Variants in CX3CL1 observed in about 807,000 individuals in gnomAD.
The protein encoded by CX3CL1 is fractalkine.
CX3CL1 carries 1 observed loss-of-function variant against 14.1 expected under a neutral mutation model. That is an observed-to-expected ratio of 0.07 (90% CI 0.03 to 0.34). CX3CL1 has a LOEUF of 0.34. CX3CL1 is among the 10% of genes least tolerant of loss of function. The probability of loss-of-function intolerance (pLI) is 0.99; values close to 1 mark genes in which losing one functional copy is unlikely to be tolerated. For synonymous variants in CX3CL1, 255 were observed against 229.6 expected, an observed-to-expected ratio of 1.11 and a Z score of -1.00; for missense variants, 505 against 536.4, an observed-to-expected ratio of 0.94 and a Z score of 0.58.
rs1902359702 is a variant in CX3CL1 at position 57,383,154 on chromosome 16, C to A, written c.*122C>A. On this transcript the variant is annotated 3_prime_UTR_variant, in exon 3 of 3. Coordinates refer to ENST00000006053, the MANE Select transcript of CX3CL1 (RefSeq NM_002996.6). Reference sequence around the variant, plus strand: ...GATGATTGGAGGGGGGAGGTGGGATCCTCCAGGTGCACAAGCTCCAAGCTC... The same window carrying A: ...GATGATTGGAGGGGGGAGGTGGGATACTCCAGGTGCACAAGCTCCAAGCTC... 2.2e-6 allele frequency: 2 copies of A among 912,014 alleles called. No homozygotes were observed. Among genetic ancestry groups the A allele is most frequent in the Non-Finnish European group, 3.0e-6 (2 of 668,606 alleles). The allele number at this position is 912,014 out of a possible 1,614,324, so 56.5% of individuals were successfully genotyped here.
intron 1 of CX3CL1, among the ~76,000 whole-genome samples, chr16:57,374,667 T>C (rs1902222570): frequency 6.6e-6 from 1 of 152,202 alleles, no homozygotes; most frequent in African/African-American, 2.4e-5. Flanking sequence ...CAAATAGTTA[T>C]TGGACACCTA....
chr16:57,374,047 C>T (rs1902213354), intron 1 of CX3CL1, among the ~76,000 whole-genome samples: 1 of 152,126 alleles, frequency 6.6e-6, no homozygotes, highest in South Asian at 2.1e-4. Context: ...GGCTTCTGCC[C>T]TCATCTTGGT....
At position 57,379,737 on chromosome 16, in the gene CX3CL1, C is replaced by T. The variant is rs148770118; in HGVS notation, c.174C>T (p.Cys58=). Residue 58 remains cysteine (C), a synonymous_variant, in exon 2 of 3, where the codon TGC becomes TGT. Coordinates refer to ENST00000006053, the MANE Select transcript of CX3CL1 (RefSeq NM_002996.6). ...LIHYQQNQAS[C]GKRAIILETR... ...ACTATCAACAGAACCAGGCATCATGCGGCAAACGCGCAATCATGTAGGTAC... is the reference window on the plus strand; with the variant it reads ...ACTATCAACAGAACCAGGCATCATGTGGCAAACGCGCAATCATGTAGGTAC... The T allele has an allele frequency of 6.8e-6, 11 of 1,614,114 alleles. No homozygotes were observed. The highest frequency in any genetic ancestry group is 1.7e-5 in the Admixed American group (1 of 60,010).
intron 1 of CX3CL1, among the ~76,000 whole-genome samples, chr16:57,373,005 A>G (rs527453718): frequency 1.3e-5 from 2 of 152,256 alleles, no homozygotes; most frequent in African/African-American, 4.8e-5. Flanking sequence ...CCTGGCTGAC[A>G]GTGGCTGGCT....
In CX3CL1 at chr16:57,382,813, C is replaced by A. The variant is rs752253754; in HGVS notation, c.975C>A (p.Gly325=). The change falls in exon 3 of 3, where the codon GGC becomes GGA. Residue 325 remains glycine, a synonymous_variant. Coordinates refer to ENST00000006053, the MANE Select transcript of CX3CL1 (RefSeq NM_002996.6). The surrounding 1 kb of genome is among the most constrained non-coding windows in gnomAD (Gnocchi z 6.9). ...CCACCATGGACCCCCAGAGGCTGGG[C>A]GTCCTTATCACTCCTGTCCCTGACG... ...IHATMDPQRL[G]VLITPVPDAQ... The A allele has an allele frequency of 1.9e-6, 3 of 1,595,386 alleles. No homozygotes were observed. Among genetic ancestry groups the A allele is most frequent in the Non-Finnish European group, 2.6e-6 (3 of 1,169,182 alleles).
chr16:57,383,000 G>A lies in CX3CL1; in HGVS notation c.1162G>A (p.Gly388Ser). Residue 388 changes from glycine to serine, a missense_variant, in exon 3 of 3, where the codon GGT (glycine) becomes AGT (serine). By Grantham distance (56) the Gly-to-Ser change is moderately conservative (BLOSUM62 0). Transcript: ENST00000006053. The surrounding 1 kb of genome is among the most constrained non-coding windows in gnomAD (Gnocchi z 6.9). ...CCTTCGCTACATCCCCCGGAGCTGT[G>A]GTAGTAATTCATATGTCCTGGTGCC... The part of the protein sequence containing the change: ...EGLRYIPRSC[G>S]SNSYVLVPV 1 of 1,498,424 alleles carries A rather than the reference G, an allele frequency of 6.7e-7. No homozygotes were observed. The highest frequency in any genetic ancestry group is 8.9e-7 in the Non-Finnish European group (1 of 1,120,852). 92.8% of individuals were successfully genotyped at this position (1,498,424 alleles called of 1,614,324 possible).
At chr16:57,374,493 C>T (rs1266944093) in intron 1 of CX3CL1, among the ~76,000 whole-genome samples, 15 of 152,136 alleles carry the variant, frequency 9.9e-5, no homozygotes, top group Admixed American at 5.2e-4. Context: ...ATAGCCTACC[C>T]GCCTCATTAG....
intron 1 of CX3CL1, among the ~76,000 whole-genome samples, chr16:57,375,149 A>G (rs1433648667): frequency 1.0e-3 from 129 of 124,054 alleles, no homozygotes; most frequent in African/African-American, 3.0e-3. Context: ...AAAAAAAAAA[A>G]AAAGAAAGAA....
At chr16:57,376,825 C>A (rs1902254260) in intron 1 of CX3CL1, 1 of 152,118 alleles carries the variant, frequency 6.6e-6, no homozygotes. Context: ...GATTGAGTAT[C>A]CACCTTGTGC....
chr16:57,383,139 G>T lies in CX3CL1; in HGVS notation c.*107G>T. The stretch of plus-strand genomic sequence containing the variant: ...CCTGGCCTGAGCTGGGATGATTGGA[G>T]GGGGGAGGTGGGATCCTCCAGGTGC... On this transcript the variant is annotated 3_prime_UTR_variant, in exon 3 of 3. Transcript: ENST00000006053. The T allele has an allele frequency of 9.4e-7, 1 of 1,059,842 alleles. No individual in the cohort carries two copies. The highest frequency in any genetic ancestry group is 1.2e-6 in the Non-Finnish European group (1 of 800,232). The allele number at this position is 1,059,842 out of a possible 1,614,324, so 65.7% of individuals were successfully genotyped here. A position where few individuals can be genotyped will look rare whatever the true frequency, so the allele number is the denominator to read the frequency against.
In CX3CL1 at chr16:57,382,163, G is replaced by A. The variant is rs1358117084; in HGVS notation, c.325G>A (p.Glu109Lys). Residue 109 changes from glutamate to lysine, a missense_variant, in exon 3 of 3, where the codon GAG becomes AAG. Glu to Lys is a moderately conservative substitution (Grantham distance 56). Transcript: ENST00000006053. The surrounding 1 kb of genome is among the most constrained non-coding windows in gnomAD (Gnocchi z 6.9). ...NGGTFEKQIG[E>K]VKPRTTPAAG... is the part of the protein sequence containing the mutation. ...CGGCACCTTCGAGAAGCAGATCGGC[G>A]AGGTGAAGCCCAGGACCACCCCTGC... 6.2e-6 allele frequency: 10 copies of A among 1,613,706 alleles called. No individual in the cohort carries two copies. In the Admixed American group the frequency reaches 8.3e-5, roughly 13 times the overall value.
Position 57,372,658 on chromosome 16 carries a change from G to A in CX3CL1, c.70+20G>A, listed in dbSNP as rs1289823379. ...TGGCTGGTAAGTGGGGCTTGACTTG[G>A]GCACAAACAGGGTAGGGAGCCCCCA... On this transcript the variant is annotated intron_variant, in intron 1 of 2. Coordinates refer to ENST00000006053, the MANE Select transcript of CX3CL1 (RefSeq NM_002996.6). 2 of 1,612,678 alleles carry A rather than the reference G, an allele frequency of 1.2e-6. No individual in the cohort carries two copies. Among genetic ancestry groups the A allele is most frequent in the African/African-American group, 1.3e-5 (1 of 74,876 alleles).
chr16:57,381,084 G>A (rs1203947779), intron 2 of CX3CL1, among the ~76,000 whole-genome samples: 2 of 152,152 alleles, frequency 1.3e-5, no homozygotes, highest in East Asian at 1.9e-4. Context: ...GGGCCTGCAG[G>A]GTCATACTTG....
chr16:57,374,158 T>C (rs1444462757), intron 1 of CX3CL1, among the ~76,000 whole-genome samples: 1 of 152,044 alleles, frequency 6.6e-6, no homozygotes, highest in Non-Finnish European at 1.5e-5. Flanking sequence ...ACCTTGGAAG[T>C]CCTCTCCCAC....
Position 57,383,011 on chromosome 16 carries a change from A to G in CX3CL1, c.1173A>G (p.Ser391=), listed in dbSNP as rs200549423. The G allele has an allele frequency of 6.7e-7, 1 of 1,491,714 alleles. No individual in the cohort carries two copies. The highest frequency in any genetic ancestry group is 1.4e-5 in the South Asian group (1 of 70,944). The allele number at this position is 1,491,714 out of a possible 1,614,324, so 92.4% of individuals were successfully genotyped here. ...RYIPRSCGSN[S]YVLVPV is the part of the protein sequence containing the mutation. ...TCCCCCGGAGCTGTGGTAGTAATTC[A>G]TATGTCCTGGTGCCCGTGTGAACTC... Residue 391 remains serine, a synonymous_variant, in exon 3 of 3, where the codon TCA becomes TCG. Transcript: ENST00000006053.
chr16:57,378,184 C>T (rs1902270067), intron 1 of CX3CL1: 1 of 152,238 alleles, frequency 6.6e-6, no homozygotes, highest in African/African-American at 2.4e-5. Flanking sequence ...TTCTGGCTCT[C>T]AGCAGCAGAA....
At chr16:57,380,678 G>A (rs1450077806) in intron 2 of CX3CL1, among the ~76,000 whole-genome samples, 1 of 152,186 alleles carries the variant, frequency 6.6e-6, no homozygotes, top group Non-Finnish European at 1.5e-5. Flanking sequence ...AGACTTTGGG[G>A]AGGGATTGAG....
chr16:57,373,364 C>A (rs1902205116), intron 1 of CX3CL1, among the ~76,000 whole-genome samples: 2 of 152,222 alleles, frequency 1.3e-5, no homozygotes, highest in Admixed American at 6.5e-5. Flanking sequence ...GGTTTAGAAA[C>A]TGGCCTGACA....
intron 1 of CX3CL1, among the ~76,000 whole-genome samples, chr16:57,376,507 A>AATGG (rs144596126): frequency 4.9e-5 from 7 of 142,138 alleles, no homozygotes; most frequent in South Asian, 4.6e-4. Flanking sequence ...TAGATGGATG[A>AATGG]ATGGATGGAT....
Sources: allele counts gnomAD v4.1 joint callset (sites outside exome capture counted in the v4.1 genomes callset), GRCh38; gene constraint gnomAD v4.1.1; non-coding constraint Gnocchi (gnomAD v3.1); transcripts MANE v1.5; gene names NCBI Gene and HGNC (gene_info 2026-07-23, HGNC 2026-07-21).